The following NXPE4 variants were observed in gnomAD, a reference collection of about 807,000 sequenced individuals.
NXPE4 encodes neurexophilin and PC-esterase domain family member 4, also known as NXPE family member 4.
NXPE4 carries 42 observed loss-of-function variants against 33.3 expected under a neutral mutation model. The observed-to-expected ratio is 1.26, with a 90% CI of 0.98 to 1.63. The LOEUF is 1.63. NXPE4 is among the 40% of genes most tolerant of loss of function. The pLI, the probability that NXPE4 is intolerant of heterozygous loss-of-function variation, is 0.00. For synonymous variants in NXPE4, 253 were observed against 234.9 expected (o/e 1.08, Z -0.71); for missense variants, 709 against 647.6 (o/e 1.09, Z -1.03).
At chr11:114,599,105 G>A (rs890673663), upstream of NXPE4, among the ~76,000 whole-genome samples, 2 of 152,042 alleles carry the variant, frequency 1.3e-5, no homozygotes, top group African/African-American at 2.4e-5. Flanking sequence ...TGTTAAAGTA[G>A]CCAGGCTGCT....
At chr11:114,577,575 G>A (rs902222940) in intron 5 of NXPE4, among the ~76,000 whole-genome samples, 4 of 152,102 alleles carry the variant, frequency 2.6e-5, no homozygotes, top group Admixed American at 1.3e-4. Flanking sequence ...TTAAAAAAGT[G>A]TTATGTAAAT....
At chr11:114,594,843 T>C in intron 1 of NXPE4, 74 bp from the exon 2 acceptor site, 1 of 806,902 alleles carries the variant, frequency 1.2e-6, no homozygotes, top group Non-Finnish European at 2.0e-6. Context: ...TGGGAAACAT[T>C]TGAAATTTTT....
At chr11:114,643,970 G>T in the NXPE4 span, among the ~76,000 whole-genome samples, 1 of 151,992 alleles carries the variant, frequency 6.6e-6, no homozygotes, top group Non-Finnish European at 1.5e-5. Flanking sequence ...CCTTGAAGAG[G>T]TCCTTCATAT....
the NXPE4 span, among the ~76,000 whole-genome samples, chr11:114,611,380 C>G: frequency 6.6e-6 from 1 of 151,924 alleles, no homozygotes; most frequent in Middle Eastern, 3.4e-3. Flanking sequence ...TAAGTGTTGC[C>G]TCGTGGGTAA....
the NXPE4 span, among the ~76,000 whole-genome samples, chr11:114,670,324 T>C: frequency 6.6e-6 from 1 of 152,020 alleles, no homozygotes; most frequent in Non-Finnish European, 1.5e-5. Context: ...CCCAAGCCTT[T>C]ACTTTCTGAG....
chr11:114,610,204 T>C, the NXPE4 span, among the ~76,000 whole-genome samples: 4 of 151,850 alleles, frequency 2.6e-5, no homozygotes, highest in African/African-American at 9.7e-5. Context: ...GGGTAGCCAC[T>C]GTTACCCAGT....
At chr11:114,602,758 A>T in the NXPE4 span, among the ~76,000 whole-genome samples, 3 of 144,876 alleles carry the variant, frequency 2.1e-5, no homozygotes, top group African/African-American at 7.4e-5. Flanking sequence ...ATATATAAGT[A>T]TCTCATATAT....
chr11:114,645,059 T>C, the NXPE4 span, among the ~76,000 whole-genome samples: 35 of 151,792 alleles, frequency 2.3e-4, no homozygotes, highest in African/African-American at 8.2e-4. Context: ...CTCAGCACTT[T>C]GGGAGGCTGA....
chr11:114,678,151 G>A, the NXPE4 span, among the ~76,000 whole-genome samples: 3 of 152,070 alleles, frequency 2.0e-5, no homozygotes, highest in Non-Finnish European at 4.4e-5. Flanking sequence ...TTCAGGAACC[G>A]TGGACTCAGG....
rs772198161 is a variant in NXPE4 at position 114,571,320 on chromosome 11, C to T, written c.1253G>A (p.Arg418Gln). 2.2e-5 allele frequency: 36 copies of T among 1,613,854 alleles called. No individual in the cohort carries two copies. The highest frequency in any genetic ancestry group is 1.1e-4 in the East Asian group (5 of 44,896). Residue 418 changes from arginine (R) to glutamine (Q), a missense_variant, in exon 6 of 6, where the codon CGG becomes CAG. Arg to Gln is a conservative substitution (Grantham distance 43). Transcript: ENST00000375478. The stretch of plus-strand genomic sequence containing the variant: ...TTCTCCTCCAGTTCTGTCAATGGCC[C>T]GGGTGAGGTACTCCATCTCTTTGAC... ...YSVKEMEYLT[R>Q]AIDRTGGEKN...
the NXPE4 span, among the ~76,000 whole-genome samples, chr11:114,601,356 T>C: frequency 6.8e-6 from 1 of 146,992 alleles, no homozygotes; most frequent in African/African-American, 2.5e-5. Flanking sequence ...TGGTTTTCAT[T>C]CCTGAGTTAT....
chr11:114,650,982 T>C, the NXPE4 span, among the ~76,000 whole-genome samples: 1 of 152,118 alleles, frequency 6.6e-6, no homozygotes, highest in African/African-American at 2.4e-5. Context: ...AAAACCCTCT[T>C]GCAACTCAGC....
At chr11:114,623,031 T>G in the NXPE4 span, among the ~76,000 whole-genome samples, 1 of 152,126 alleles carries the variant, frequency 6.6e-6, no homozygotes, top group Non-Finnish European at 1.5e-5. Flanking sequence ...GGGAAACCCC[T>G]GTTACCCGGT....
chr11:114,587,311 A>T (rs1488605335), intron 2 of NXPE4, among the ~76,000 whole-genome samples: 1 of 152,218 alleles, frequency 6.6e-6, no homozygotes, highest in Non-Finnish European at 1.5e-5. Context: ...AATGGTACTT[A>T]AATAGTAAGA....
chr11:114,617,810 A>G, the NXPE4 span, among the ~76,000 whole-genome samples: 24 of 152,084 alleles, frequency 1.6e-4, no homozygotes, highest in Non-Finnish European at 2.9e-4. Context: ...CCGATGGATA[A>G]TAAGTGTTGC....
At chr11:114,660,523 T>A in the NXPE4 span, among the ~76,000 whole-genome samples, 5 of 151,958 alleles carry the variant, frequency 3.3e-5, no homozygotes, top group African/African-American at 1.2e-4. Flanking sequence ...CCTATGATAA[T>A]CTCAGTATAA....
chr11:114,632,395 A>G, the NXPE4 span, among the ~76,000 whole-genome samples: 1 of 133,434 alleles, frequency 7.5e-6, no homozygotes, highest in East Asian at 2.0e-4. Context: ...ATATAAATAT[A>G]AATATACATA....
chr11:114,614,731 C>G, the NXPE4 span, among the ~76,000 whole-genome samples: 1 of 146,240 alleles, frequency 6.8e-6, no homozygotes, highest in African/African-American at 2.5e-5. Flanking sequence ...TTGCCTCCTG[C>G]GTAACCAGTG....
the NXPE4 span, among the ~76,000 whole-genome samples, chr11:114,646,325 A>G: frequency 6.6e-6 from 1 of 151,652 alleles, no homozygotes; most frequent in African/African-American, 2.4e-5. Context: ...ATTACAAATA[A>G]ATATAAATAA....
Sources: gnomAD v4.1 joint callset for allele counts (sites outside exome capture counted in the v4.1 genomes callset) on GRCh38, gnomAD v4.1.1 for gene constraint, MANE v1.5 for transcripts, NCBI Gene and HGNC (gene_info 2026-07-23, HGNC 2026-07-21) for gene names.